Variants in ROBO2 observed in about 807,000 individuals in gnomAD.
The protein encoded by ROBO2 is roundabout homolog 2.
In ROBO2, 53 loss-of-function variants were observed where a neutral mutation model predicts 160.8. That is an observed-to-expected ratio of 0.33 (90% CI 0.26 to 0.41). ROBO2 has a LOEUF of 0.41. ROBO2 is among the 10% of genes least tolerant of loss of function. ROBO2 has a pLI of 1.00. For synonymous variants in ROBO2, 664 were observed against 611.7 expected, an observed-to-expected ratio of 1.09 and a Z score of -1.26; for missense variants, 1,577 against 1,722.4, an observed-to-expected ratio of 0.92 and a Z score of 1.49.
chr3:77,218,356 A>G (rs1013313525), intron 2 of ROBO2, among the ~76,000 whole-genome samples: 1 of 148,914 alleles, frequency 6.7e-6, no homozygotes, highest in South Asian at 2.1e-4. Context: ...ACCATCCTTC[A>G]TAGCTCAGCT....
chr3:77,564,303 G>A lies in ROBO2; in HGVS notation c.1683-651G>A, dbSNP rs79293712. 2.0e-3 allele frequency: 644 copies of A among 321,736 alleles called. 2 individuals are homozygous for A. The highest frequency in any genetic ancestry group is 2.8e-3 in the South Asian group (112 of 39,686). 19.9% of individuals were successfully genotyped at this position (321,736 alleles called of 1,614,324 possible). ...TGTTCTAAAATGGCATCCATCTGTG[G>A]CTGGCTGTAAATGGGTCCTCACACA... On this transcript the variant is annotated intron_variant, in intron 11 of 25. Transcript: ENST00000461745.
chr3:76,903,230 A>G (rs1446452203), intron 2 of ROBO2, among the ~76,000 whole-genome samples: 6 of 152,118 alleles, frequency 3.9e-5, no homozygotes, highest in African/African-American at 7.2e-5. Flanking sequence ...ATCAAAACCA[A>G]TGTTTCTCTT....
chr3:77,420,811 G>A (rs1215244456), intron 2 of ROBO2, among the ~76,000 whole-genome samples: 1 of 152,038 alleles, frequency 6.6e-6, no homozygotes, highest in Non-Finnish European at 1.5e-5. Flanking sequence ...GGAAAATGAG[G>A]CATTCTAGAA....
At chr3:76,434,060 G>A (rs1321320476) in intron 2 of ROBO2, 6 of 1,304,496 alleles carry the variant, frequency 4.6e-6, no homozygotes, top group Non-Finnish European at 5.6e-6. Context: ...GGAGAGGGCA[G>A]TGGGCCTCCT....
intron 2 of ROBO2, among the ~76,000 whole-genome samples, chr3:76,249,567 A>G (rs1207973871): frequency 6.6e-6 from 1 of 152,162 alleles, no homozygotes; most frequent in Non-Finnish European, 1.5e-5. Context: ...TTTCTGTTGC[A>G]AGCAACTAAG....
At chr3:76,705,298 TA>T (rs764930761) in intron 2 of ROBO2, among the ~76,000 whole-genome samples, 2 of 152,260 alleles carry the variant, frequency 1.3e-5, no homozygotes, top group Non-Finnish European at 2.9e-5. Flanking sequence ...ATACAATGTA[TA>T]GTAATACAAT....
rs370498012 is a variant in ROBO2 at position 77,537,104 on chromosome 3, G to GGC, written c.935-9233_935-9232insCG. 2.9e-3 allele frequency among the ~76,000 whole-genome samples: 422 copies of GGC among 143,460 alleles called. 9 individuals are homozygous for GGC. Among genetic ancestry groups the GGC allele is most frequent in the African/African-American group, 9.9e-3 (383 of 38,784 alleles). 94.1% of individuals were successfully genotyped at this position (143,460 alleles called of 152,430 possible). ...TAAAACATATACATATTTTGTGGGG[G>GGC]GGGGGTGTATTACACTTACCAAAAT... On this transcript the variant is annotated intron_variant, in intron 6 of 25. Coordinates refer to ENST00000461745, the Ensembl canonical transcript of ROBO2.
intron 2 of ROBO2, among the ~76,000 whole-genome samples, chr3:76,300,972 G>A (rs143324512): frequency 6.6e-6 from 1 of 152,066 alleles, no homozygotes; most frequent in South Asian, 2.1e-4. Context: ...GATGGGTGGC[G>A]ATAAGAGGGA....
intron 2 of ROBO2, among the ~76,000 whole-genome samples, chr3:76,473,851 C>T (rs2078794900): frequency 6.6e-6 from 1 of 152,126 alleles, no homozygotes; most frequent in African/African-American, 2.4e-5. Context: ...CAAGTTAGAA[C>T]AAAGTGCAGA....
chr3:76,451,322 T>A (rs1396626390), intron 2 of ROBO2, among the ~76,000 whole-genome samples: 1 of 152,184 alleles, frequency 6.6e-6, no homozygotes, highest in African/African-American at 2.4e-5. Context: ...GTTTTTGTAG[T>A]GGGTTAAACA....
At chr3:76,213,374 G>A (rs1390431232) in intron 2 of ROBO2, among the ~76,000 whole-genome samples, 1 of 152,084 alleles carries the variant, frequency 6.6e-6, no homozygotes, top group Non-Finnish European at 1.5e-5. Flanking sequence ...CAAAAAAGAA[G>A]AGTATGGGAA....
intron 17 of ROBO2, among the ~76,000 whole-genome samples, 199 bp from the exon 19 acceptor site, chr3:77,594,943 A>G (rs1174540568): frequency 6.6e-6 from 1 of 152,196 alleles, no homozygotes; most frequent in African/African-American, 2.4e-5. Flanking sequence ...AAAATGTCCT[A>G]TTAAAATTGG....
chr3:77,240,545 G>C (rs1056538570), intron 2 of ROBO2, among the ~76,000 whole-genome samples: 6 of 152,148 alleles, frequency 3.9e-5, no homozygotes, highest in Non-Finnish European at 1.5e-5. Flanking sequence ...CTGCAGCAGC[G>C]GGCTGAAGGG....
intron 2 of ROBO2, among the ~76,000 whole-genome samples, chr3:77,214,487 T>C (rs1454684279): frequency 2.0e-5 from 3 of 152,188 alleles, no homozygotes; most frequent in Non-Finnish European, 4.4e-5. Flanking sequence ...GCACATGAGA[T>C]CAGTTTCCTG....
At chr3:76,873,577 G>A (rs1009703396) in intron 2 of ROBO2, among the ~76,000 whole-genome samples, 6 of 151,778 alleles carry the variant, frequency 4.0e-5, no homozygotes, top group Non-Finnish European at 5.9e-5. Context: ...AGTAGTAGTC[G>A]TCGTCGTCGT....
intron 2 of ROBO2, among the ~76,000 whole-genome samples, chr3:76,993,228 G>A (rs992990924): frequency 1.3e-5 from 2 of 152,110 alleles, no homozygotes; most frequent in African/African-American, 4.8e-5. Context: ...ATCAATTTTT[G>A]TCTCATCTTC....
At chr3:77,607,418 T>G (rs993836970) in intron 20 of ROBO2, among the ~76,000 whole-genome samples, 1 of 152,192 alleles carries the variant, frequency 6.6e-6, no homozygotes, top group South Asian at 2.1e-4. Flanking sequence ...CATTTTCCAC[T>G]GAGAGAGATT....
intron 6 of ROBO2, among the ~76,000 whole-genome samples, chr3:77,542,300 G>A (rs1302512674): frequency 6.6e-6 from 1 of 152,144 alleles, no homozygotes; most frequent in Non-Finnish European, 1.5e-5. Flanking sequence ...CCACCTTCAG[G>A]TGATAATAGG....
At chr3:76,380,608 G>C (rs1184793208) in intron 2 of ROBO2, among the ~76,000 whole-genome samples, 1 of 151,988 alleles carries the variant, frequency 6.6e-6, no homozygotes, top group Non-Finnish European at 1.5e-5. Context: ...CAAATACAGT[G>C]TATAATAGAT....
Sources: gnomAD v4.1 joint callset for allele counts (sites outside exome capture counted in the v4.1 genomes callset) on GRCh38, gnomAD v4.1.1 for gene constraint, MANE v1.5 for transcripts, NCBI Gene and HGNC (gene_info 2026-07-23, HGNC 2026-07-21) for gene names.